Variants in CPEB2 observed in about 807,000 individuals in gnomAD.
The protein encoded by CPEB2 is cytoplasmic polyadenylation element binding protein 2.
Under a neutral mutation model 93.6 loss-of-function variants are expected in CPEB2, and 56 were observed. The ratio of observed to expected loss-of-function variants is 0.60; its 90% CI spans 0.48 to 0.75. The LOEUF (loss-of-function observed/expected upper bound fraction) is 0.75, where lower values mean the gene tolerates loss of function less well. Among genes scored for constraint, CPEB2 ranks in the 30% least tolerant of loss-of-function variants. CPEB2 has a pLI of 0.00. For synonymous variants in CPEB2, 764 were observed against 586.3 expected (o/e 1.30, Z -4.38); for missense variants, 1,579 against 1,395.1 (o/e 1.13, Z -2.10).
In CPEB2 at chr4:15,054,155, T is replaced by A; in HGVS notation, c.2399T>A (p.Phe800Tyr). ...GAAATAACTGCTAGCTTCAGAAGATTTGGGCCTTTGGTAGTAGATTGGCCT... is the reference window on the plus strand; with the variant it reads ...GAAATAACTGCTAGCTTCAGAAGATATGGGCCTTTGGTAGTAGATTGGCCT... ...EDEITASFRR[F>Y]GPLVVDWPHK... The change falls in exon 8 of 12, where the codon TTT becomes TAT. Residue 800 changes from phenylalanine to tyrosine, a missense_variant. Transcript: ENST00000538197. 1 of 1,611,008 alleles carries A rather than the reference T, an allele frequency of 6.2e-7. No homozygotes were observed. The highest frequency in any genetic ancestry group is 1.1e-5 in the South Asian group (1 of 90,530).
chr4:15,070,067 AG>A lies in CPEB2; in HGVS notation c.*3688del, dbSNP rs1345261313. On this transcript the variant is annotated 3_prime_UTR_variant, in exon 12 of 12. Transcript: ENST00000538197. Reference sequence around the variant, plus strand: ...TGGTAATTTAACTCTGTAATGGAATAGTTTGCTGCCAACTATTTATATTAAG... The same window carrying A: ...TGGTAATTTAACTCTGTAATGGAATATTTGCTGCCAACTATTTATATTAAG... 1 of 152,250 alleles carries A rather than the reference AG, an allele frequency of 6.6e-6. No individual in the cohort carries two copies. Among genetic ancestry groups the A allele is most frequent in the African/African-American group, 2.4e-5 (1 of 41,398 alleles). The allele number at this position is 152,250 out of a possible 1,614,324, so 9.4% of individuals were successfully genotyped here. A position where few individuals can be genotyped will look rare whatever the true frequency, so the allele number is the denominator to read the frequency against.
intron 8 of CPEB2, among the ~76,000 whole-genome samples, chr4:15,054,535 A>C (rs1301826612): frequency 6.6e-6 from 1 of 152,244 alleles, no homozygotes; most frequent in African/African-American, 2.4e-5. Context: ...ATAACAGCAG[A>C]GCAGTAGAAA....
intron 4 of CPEB2, among the ~76,000 whole-genome samples, chr4:15,018,941 TATATATATA>T (rs1724496598): frequency 5.6e-5 from 1 of 17,892 alleles, no homozygotes. Context: ...GAATTTTATA[TATATATATA>T]TATATATATA....
intron 5 of CPEB2, among the ~76,000 whole-genome samples, chr4:15,039,537 G>A (rs886924077): frequency 6.6e-6 from 1 of 151,368 alleles, no homozygotes; most frequent in Non-Finnish European, 1.5e-5. Context: ...TTACTGCCTT[G>A]ACTTCATATA....
intron 5 of CPEB2, among the ~76,000 whole-genome samples, chr4:15,039,762 G>A (rs1726994419): frequency 6.6e-6 from 1 of 151,614 alleles, no homozygotes; most frequent in Non-Finnish European, 1.5e-5. Flanking sequence ...CCATGATTTT[G>A]TTAATAGTAA....
At chr4:15,036,288 G>A (rs574099683) in intron 5 of CPEB2, among the ~76,000 whole-genome samples, 3 of 152,042 alleles carry the variant, frequency 2.0e-5, no homozygotes, top group Non-Finnish European at 2.9e-5. Flanking sequence ...GTCTCCTTCC[G>A]AACAGACCAT....
chr4:15,042,991 A>T (rs1171468790), intron 6 of CPEB2, among the ~76,000 whole-genome samples: 1 of 152,186 alleles, frequency 6.6e-6, no homozygotes, highest in Non-Finnish European at 1.5e-5. Flanking sequence ...CACTGAGTTG[A>T]TATAATTTTT....
rs1729753749 is a variant in CPEB2, at chr4:15,067,093, A to G, written c.*713A>G. The G allele has an allele frequency of 6.6e-6, 1 of 152,544 alleles. No individual in the cohort carries two copies. The highest frequency in any genetic ancestry group is 2.4e-5 in the African/African-American group (1 of 41,430). The allele number at this position is 152,544 out of a possible 1,614,324, so 9.4% of individuals were successfully genotyped here. A position where few individuals can be genotyped will look rare whatever the true frequency, so the allele number is the denominator to read the frequency against. ...AGCACAATATGGCCTAAACTGCCAT[A>G]GTTTTAGAATGTGAAAAAAATGCAT... On this transcript the variant is annotated 3_prime_UTR_variant, in exon 12 of 12. Transcript: ENST00000538197.
At chr4:15,039,640 T>G (rs955221508) in intron 5 of CPEB2, among the ~76,000 whole-genome samples, 1 of 152,124 alleles carries the variant, frequency 6.6e-6, no homozygotes, top group African/African-American at 2.4e-5. Context: ...ACTAGTAGTT[T>G]CTTATGAAAA....
At chr4:15,061,220 G>T (rs1174812200) in intron 10 of CPEB2, among the ~76,000 whole-genome samples, 1 of 152,024 alleles carries the variant, frequency 6.6e-6, no homozygotes, top group Non-Finnish European at 1.5e-5. Flanking sequence ...ACATATAGAT[G>T]GTGTTTAAAG....
At chr4:15,063,856 C>CTTA (rs551264864) in intron 11 of CPEB2, 67 of 152,140 alleles carry the variant, frequency 4.4e-4, no homozygotes, top group African/African-American at 1.5e-3. Context: ...GAGGGAAAAG[C>CTTA]TTATTTTCTA....
Position 15,003,837 on chromosome 4 carries a change from G to A in CPEB2, c.1164G>A (p.Ala388=), listed in dbSNP as rs1035211181. ...GFGTPWSVQT[A]SPPPQPQQPP... ...GCACCCCCTGGTCGGTGCAGACCGC[G>A]TCGCCGCCACCCCAGCCCCAGCAGC... is the stretch of plus-strand genomic sequence containing the variant. Residue 388 remains alanine, a synonymous_variant, in exon 1 of 12, where the codon GCG becomes GCA. Coordinates refer to ENST00000538197, the MANE Select transcript of CPEB2 (RefSeq NM_001177382.2). 5.5e-6 allele frequency: 5 copies of A among 917,150 alleles called. No homozygotes were observed. The highest frequency in any genetic ancestry group is 5.7e-6 in the Non-Finnish European group (4 of 699,594). The allele number at this position is 917,150 out of a possible 1,614,324, so 56.8% of individuals were successfully genotyped here. A position where few individuals can be genotyped will look rare whatever the true frequency, so the allele number is the denominator to read the frequency against.
intron 11 of CPEB2, among the ~76,000 whole-genome samples, chr4:15,064,147 A>G (rs372266680): frequency 6.6e-6 from 1 of 152,076 alleles, no homozygotes; most frequent in African/African-American, 2.4e-5. Flanking sequence ...TTTAGTTCCT[A>G]TCTGATAGCT....
At chr4:15,006,459 T>C (rs1722832059) in intron 1 of CPEB2, 1 of 152,094 alleles carries the variant, frequency 6.6e-6, no homozygotes, top group East Asian at 1.9e-4. Flanking sequence ...ATTAGCGTTT[T>C]GATGGATTTA....
intron 4 of CPEB2, among the ~76,000 whole-genome samples, chr4:15,018,986 A>G (rs1243914035): frequency 6.8e-6 from 1 of 147,194 alleles, no homozygotes; most frequent in Non-Finnish European, 1.5e-5. Flanking sequence ...GCACACACAC[A>G]CGCATATATA....
In CPEB2 at chr4:15,003,162, G is replaced by A. The variant is rs767758794; in HGVS notation, c.489G>A (p.Pro163=). ...SSCCCCRTSS[P]QDFSKRQQQQ... ...GCTGCTGCTGCCGCACCTCCTCCCC[G>A]CAGGACTTCAGTAAGCGGCAGCAGC... The change falls in exon 1 of 12, where the codon CCG becomes CCA. Residue 163 remains proline, a synonymous_variant. Transcript: ENST00000538197. 1.2e-5 allele frequency: 19 copies of A among 1,533,156 alleles called. No homozygotes were observed. In the East Asian group the frequency reaches 3.7e-4, roughly 30 times the overall value. The allele number at this position is 1,533,156 out of a possible 1,614,324, so 95.0% of individuals were successfully genotyped here.
chr4:15,009,303 G>C (rs570207598), intron 3 of CPEB2, among the ~76,000 whole-genome samples: 1 of 152,256 alleles, frequency 6.6e-6, no homozygotes, highest in Admixed American at 6.5e-5. Context: ...TTAATAATAC[G>C]TTTGTAAGTA....
chr4:15,064,946 A>G (rs951455998), intron 11 of CPEB2, among the ~76,000 whole-genome samples: 79 of 152,170 alleles, frequency 5.2e-4, no homozygotes, highest in African/African-American at 1.8e-3. Flanking sequence ...ATCAATTTAA[A>G]AAACAAACAA....
intron 4 of CPEB2, among the ~76,000 whole-genome samples, chr4:15,026,202 T>C (rs1230722089): frequency 2.0e-5 from 3 of 151,682 alleles, no homozygotes; most frequent in Admixed American, 6.6e-5. Context: ...ACTTTTCTTA[T>C]TTTAGATTCA....
Sources: gnomAD v4.1 joint callset for allele counts (sites outside exome capture counted in the v4.1 genomes callset) on GRCh38, gnomAD v4.1.1 for gene constraint, MANE v1.5 for transcripts, NCBI Gene and HGNC (gene_info 2026-07-23, HGNC 2026-07-21) for gene names.